GSK3B: variants seen among roughly 807,000 people sequenced by gnomAD.
The protein encoded by GSK3B is glycogen synthase kinase 3 beta, also known as glycogen synthase kinase-3 beta.
In GSK3B, 15 loss-of-function variants were observed where a neutral mutation model predicts 56.4. That is an observed-to-expected ratio of 0.27 (90% confidence interval 0.18 to 0.41). The LOEUF (loss-of-function observed/expected upper bound fraction) is 0.41. Among genes scored for constraint, GSK3B ranks in the 10% least tolerant of loss-of-function variants. The probability of loss-of-function intolerance (pLI) is 1.00; values close to 1 mark genes in which losing one functional copy is unlikely to be tolerated. For synonymous variants in GSK3B, 181 were observed against 188.9 expected (o/e 0.96, Z 0.34); for missense variants, 300 against 513.4 (o/e 0.58, Z 4.02).
intron 1 of GSK3B, among the ~76,000 whole-genome samples, chr3:120,077,980 T>C (rs2058381529): frequency 6.6e-6 from 1 of 152,274 alleles, no homozygotes; most frequent in African/African-American, 2.4e-5. Context: ...GGGGCAAATA[T>C]TGTCACAGAG....
chr3:120,053,475 T>C (rs2058167398), intron 1 of GSK3B, among the ~76,000 whole-genome samples: 1 of 152,256 alleles, frequency 6.6e-6, no homozygotes. Flanking sequence ...GGATTTCCCA[T>C]TCACAGTTAC....
intron 2 of GSK3B, among the ~76,000 whole-genome samples, chr3:119,996,946 T>C (rs1210285233): frequency 6.6e-6 from 1 of 152,086 alleles, no homozygotes; most frequent in Non-Finnish European, 1.5e-5. Flanking sequence ...ACAGGATTAT[T>C]AGAAAGCAAA....
In GSK3B at chr3:119,831,636, A is replaced by G. The variant is rs578055790; in HGVS notation, c.1196-4781T>C. Among the ~76,000 whole-genome samples, 14 of 151,750 alleles carry G rather than the reference A, an allele frequency of 9.2e-5. 1 individual carries two copies. The South Asian group carries it at 2.7e-3, about 29-fold the overall frequency. ...CATGCCACTGCACTCCAGCCTGGGC[A>G]ACAGAGCGAGACTCCGTCTCAAAAA... On this transcript the variant is annotated intron_variant, in intron 10 of 10. Coordinates refer to ENST00000264235, the MANE Select transcript of GSK3B (RefSeq NM_001146156.2).
intron 7 of GSK3B, among the ~76,000 whole-genome samples, chr3:119,895,054 T>C (rs922365470): frequency 6.6e-6 from 1 of 152,290 alleles, no homozygotes; most frequent in African/African-American, 2.4e-5. Flanking sequence ...CCTGTCTAAC[T>C]ATAATTTTGT....
chr3:119,889,144 C>A (rs1363873235), intron 7 of GSK3B, among the ~76,000 whole-genome samples: 1 of 152,132 alleles, frequency 6.6e-6, no homozygotes, highest in Non-Finnish European at 1.5e-5. Flanking sequence ...CCTGTTCTTG[C>A]ATCCCCTCCC....
At chr3:119,996,635 T>C (rs888730913) in intron 2 of GSK3B, among the ~76,000 whole-genome samples, 2 of 152,060 alleles carry the variant, frequency 1.3e-5, no homozygotes, top group African/African-American at 4.8e-5. Flanking sequence ...TCTCACTGTT[T>C]ATTAATAGTT....
At chr3:119,957,547 G>A (rs1002005889) in intron 2 of GSK3B, among the ~76,000 whole-genome samples, 3 of 152,174 alleles carry the variant, frequency 2.0e-5, no homozygotes, top group Admixed American at 6.5e-5. Flanking sequence ...CTTTAACCCT[G>A]TATCTTTGAG....
intron 9 of GSK3B, among the ~76,000 whole-genome samples, chr3:119,859,470 T>C (rs2056070513): frequency 6.6e-6 from 1 of 152,222 alleles, no homozygotes; most frequent in Admixed American, 6.5e-5. Flanking sequence ...ATAGATTTTA[T>C]AAATAAGTAG....
intron 2 of GSK3B, among the ~76,000 whole-genome samples, chr3:119,966,784 G>C (rs2057322394): frequency 6.6e-6 from 1 of 151,784 alleles, no homozygotes; most frequent in Non-Finnish European, 1.5e-5. Context: ...AATAAACTCA[G>C]GACAGAGTTT....
intron 8 of GSK3B, among the ~76,000 whole-genome samples, chr3:119,865,420 T>C (rs1201973445): frequency 7.3e-6 from 1 of 137,398 alleles, no homozygotes; most frequent in Non-Finnish European, 1.6e-5. Context: ...AAACCAGTAT[T>C]ATAAGCTTAT....
At chr3:120,023,805 G>A (rs1272004769) in intron 1 of GSK3B, among the ~76,000 whole-genome samples, 1 of 152,128 alleles carries the variant, frequency 6.6e-6, no homozygotes, top group African/African-American at 2.4e-5. Flanking sequence ...GAGGTCAAGA[G>A]CAGCCAATTT....
At chr3:120,028,945 G>A (rs563589807) in intron 1 of GSK3B, 23 of 559,072 alleles carry the variant, frequency 4.1e-5, no homozygotes, top group South Asian at 3.6e-4. Flanking sequence ...AGGCACAAGT[G>A]GTGAAGCATA....
intron 2 of GSK3B, among the ~76,000 whole-genome samples, chr3:119,985,875 A>G (rs2057511240): frequency 6.6e-6 from 1 of 152,206 alleles, no homozygotes; most frequent in Non-Finnish European, 1.5e-5. Context: ...CTGAATTGCC[A>G]ATACAATCCT....
chr3:119,971,174 G>A (rs1245531545), intron 2 of GSK3B, among the ~76,000 whole-genome samples: 2 of 152,122 alleles, frequency 1.3e-5, no homozygotes, highest in Non-Finnish European at 2.9e-5. Flanking sequence ...GGAAGTTTTG[G>A]ACCTCAGAAT....
chr3:120,033,324 T>C (rs1199324496), intron 1 of GSK3B, among the ~76,000 whole-genome samples: 2 of 152,214 alleles, frequency 1.3e-5, no homozygotes, highest in African/African-American at 2.4e-5. Context: ...TATGAACATA[T>C]GGGTATATAT....
chr3:119,828,566 G>T (rs900879578), intron 10 of GSK3B, among the ~76,000 whole-genome samples: 1 of 152,184 alleles, frequency 6.6e-6, no homozygotes, highest in East Asian at 1.9e-4. Context: ...GATCTACCAT[G>T]TGCTATGGTG....
At chr3:119,863,707 T>C in intron 8 of GSK3B, 102 bp from the exon 9 acceptor site, 1 of 717,308 alleles carries the variant, frequency 1.4e-6, no homozygotes, top group South Asian at 1.9e-5. Context: ...TACAGAAACA[T>C]GGTTGCATTT....
intron 2 of GSK3B, among the ~76,000 whole-genome samples, chr3:119,992,180 T>C (rs922706531): frequency 1.3e-5 from 2 of 151,984 alleles, no homozygotes; most frequent in Admixed American, 1.3e-4. Flanking sequence ...AAAGAAAAGC[T>C]ACAAGGGCAT....
At chr3:120,018,323 C>A (rs1402990257) in intron 1 of GSK3B, among the ~76,000 whole-genome samples, 3 of 152,102 alleles carry the variant, frequency 2.0e-5, no homozygotes, top group Non-Finnish European at 4.4e-5. Flanking sequence ...GGTGTAAAAC[C>A]CACATATACA....
Sources: gnomAD v4.1 joint callset for allele counts (sites outside exome capture counted in the v4.1 genomes callset) on GRCh38, gnomAD v4.1.1 for gene constraint, MANE v1.5 for transcripts, NCBI Gene and HGNC (gene_info 2026-07-23, HGNC 2026-07-21) for gene names.